The following PPP2R3B variants were observed in gnomAD, a reference collection of about 807,000 sequenced individuals.
PPP2R3B encodes the protein protein phosphatase 2 regulatory subunit B''beta, also known as serine/threonine-protein phosphatase 2A regulatory subunit B'' subunit beta.
Under a neutral mutation model 72.9 loss-of-function variants are expected in PPP2R3B, and 68 were observed. The observed-to-expected ratio is 0.93, with a 90% CI of 0.77 to 1.14. The LOEUF is 1.14. Among genes scored for constraint, PPP2R3B ranks in the 50% most tolerant of loss-of-function variants. PPP2R3B has a pLI of 0.00. For missense variants in PPP2R3B, 1,018 were observed against 842.0 expected (o/e 1.21, Z -2.59); for synonymous variants, 466 against 375.8 (o/e 1.24, Z -2.78).
intron 1 of PPP2R3B, chrX:373,646 G>A (rs1289050963): frequency 3.6e-6 from 1 of 275,724 alleles, no homozygotes; most frequent in South Asian, 3.0e-5. Flanking sequence ...GCGAGCGCTC[G>A]CGGAGTCGCA....
chrX:358,145 C>T (rs1183010883), intron 2 of PPP2R3B, among the ~76,000 whole-genome samples: 1 of 152,224 alleles, frequency 6.6e-6, no homozygotes, highest in Non-Finnish European at 1.5e-5. Flanking sequence ...TCGTTCGTCC[C>T]CTGGGCCGGG....
chrX:358,290 C>T (rs2071475771), intron 2 of PPP2R3B, among the ~76,000 whole-genome samples: 1 of 152,150 alleles, frequency 6.6e-6, no homozygotes, highest in Non-Finnish European at 1.5e-5. Context: ...GCCTGCGGCC[C>T]CCACACACGC....
At chrX:371,652 G>A (rs764632983) in intron 1 of PPP2R3B, among the ~76,000 whole-genome samples, 43 of 152,206 alleles carry the variant, frequency 2.8e-4, no homozygotes, top group African/African-American at 9.2e-4. Flanking sequence ...GGCCGGGAGC[G>A]TCCGAAGGCG....
At chrX:373,693 G>C (rs1218179403) in intron 1 of PPP2R3B, 1 of 163,530 alleles carries the variant, frequency 6.1e-6, no homozygotes, top group Admixed American at 6.7e-5. Context: ...GGGCCGGGCC[G>C]GGCGCCGCGC....
chrX:335,720 C>G (rs1176368628), intron 12 of PPP2R3B: 1 of 152,222 alleles, frequency 6.6e-6, no homozygotes, highest in East Asian at 1.9e-4. Flanking sequence ...TGAACCTCGT[C>G]GGCCCCTCGC....
chrX:349,510 G>T (rs1414410180), intron 2 of PPP2R3B, among the ~76,000 whole-genome samples: 1 of 152,206 alleles, frequency 6.6e-6, no homozygotes, highest in Non-Finnish European at 1.5e-5. Context: ...CGCCTGGACG[G>T]CCGAGCCAGG....
At chrX:342,906 A>C (rs1287429003) in intron 7 of PPP2R3B, among the ~76,000 whole-genome samples, 2 of 45,624 alleles carry the variant, frequency 4.4e-5, no homozygotes, top group African/African-American at 1.6e-4. Context: ...AGACCTCAGC[A>C]ACGGGAGGCG....
chrX:339,041 C>T (rs749459085), intron 10 of PPP2R3B, 145 bp from the exon 11 acceptor site: 11 of 744,626 alleles, frequency 1.5e-5, no homozygotes, highest in South Asian at 4.8e-5. Flanking sequence ...ACGTGAAAGG[C>T]GGACACGCGA....
At chrX:383,608 C>T (rs1272866277) in intron 1 of PPP2R3B, among the ~76,000 whole-genome samples, 3 of 151,956 alleles carry the variant, frequency 2.0e-5, no homozygotes, top group East Asian at 3.9e-4. Context: ...GAGGCCGAGG[C>T]GGGCGGATCA....
chrX:341,483 A>C, intron 8 of PPP2R3B, 87 bp from the exon 9 acceptor site: 2 of 1,398,508 alleles, frequency 1.4e-6, no homozygotes, highest in South Asian at 1.2e-5. Context: ...CGCCTCGGTG[A>C]GGGGAGCCCC....
At position 347,329 on chromosome X, in the gene PPP2R3B, G is replaced by A; in HGVS notation, c.622C>T (p.Gln208Ter). The A allele has an allele frequency of 6.2e-7, 1 of 1,613,762 alleles. No homozygotes were observed. Among genetic ancestry groups the A allele is most frequent in the Non-Finnish European group, 8.5e-7 (1 of 1,179,748 alleles). ...TTGGCCGCGTCGTCGTGGCAGTTCTGGAGGATTCTGGAAGGACAGGATGAC... is the reference window on the plus strand; with the variant it reads ...TTGGCCGCGTCGTCGTGGCAGTTCTAGAGGATTCTGGAAGGACAGGATGAC... ...KFVAMWRKIL[Q>*]NCHDDAAKFV... is the part of the protein sequence containing the mutation. Residue 208 changes from glutamine (Q) to a stop codon, truncating the protein, a stop_gained, in exon 4 of 13, where the codon CAG (glutamine) becomes TAG (stop). Coordinates refer to ENST00000390665, the MANE Select transcript of PPP2R3B (RefSeq NM_013239.5). LOFTEE classifies it high-confidence loss of function.
chrX:347,429 T>C lies in PPP2R3B; in HGVS notation c.615-93A>G, dbSNP rs927064241. The C allele has an allele frequency of 2.2e-6, 3 of 1,376,882 alleles. No individual in the cohort carries two copies. In the African/African-American group the frequency reaches 4.3e-5, roughly 20 times the overall value. The allele number at this position is 1,376,882 out of a possible 1,614,324, so 85.3% of individuals were successfully genotyped here. ...TGGAACACGTGTGTGGTGTTCCACG[T>C]GGTGCGTGGCAGGTGGCCACACACG... On this transcript the variant is annotated intron_variant, in intron 3 of 12. Transcript: ENST00000390665.
chrX:386,833 G>A lies in PPP2R3B; in HGVS notation c.-142C>T. On this transcript the variant is annotated 5_prime_UTR_variant, in exon 1 of 13. Coordinates refer to ENST00000390665, the MANE Select transcript of PPP2R3B (RefSeq NM_013239.5). ...CGCAGGGAACAGGGCCCGCGCCTCG[G>A]GAACTGCGCGGACTCGCGGGGCGCG... 5 of 339,062 alleles carry A rather than the reference G, an allele frequency of 1.5e-5. No homozygotes were observed. The highest frequency in any genetic ancestry group is 2.3e-5 in the Non-Finnish European group (5 of 216,280). The allele number at this position is 339,062 out of a possible 1,614,324, so 21.0% of individuals were successfully genotyped here. A position where few individuals can be genotyped will look rare whatever the true frequency, so the allele number is the denominator to read the frequency against.
In PPP2R3B at chrX:354,172, AGGGGCTCACCCAAACACCG is replaced by A. The variant is rs1282449872; in HGVS notation, c.511-6498_511-6480del. Among the ~76,000 whole-genome samples, 269 of 86,360 alleles carry A rather than the reference AGGGGCTCACCCAAACACCG, an allele frequency of 3.1e-3. 4 individuals carry two copies. In the South Asian group the frequency reaches 0.04, roughly 13 times the overall value. 56.7% of individuals were successfully genotyped at this position (86,360 alleles called of 152,430 possible). A position where few individuals can be genotyped will look rare whatever the true frequency, so the allele number is the denominator to read the frequency against. On this transcript the variant is annotated intron_variant, in intron 2 of 12. Coordinates refer to ENST00000390665, the MANE Select transcript of PPP2R3B (RefSeq NM_013239.5). The stretch of plus-strand genomic sequence containing the variant: ...AACACCGGGGGCTCACCCAGGGACT[AGGGGCTCACCCAAACACCG>A]GGGGCTCACCCAGGGACCGGGGGCT...
chrX:347,894 G>C, intron 2 of PPP2R3B: 1 of 554,774 alleles, frequency 1.8e-6, no homozygotes, highest in South Asian at 2.5e-5. Flanking sequence ...AGCTGAGCGT[G>C]GGAGTGCCGG....
chrX:336,530 G>C (rs1239808839), intron 12 of PPP2R3B: 1 of 152,280 alleles, frequency 6.6e-6, no homozygotes, highest in East Asian at 1.9e-4. Flanking sequence ...TCTCCCTGCG[G>C]GTTCCAGGCC....
chrX:339,271 C>CTGG (rs1556105390), intron 10 of PPP2R3B, among the ~76,000 whole-genome samples: 2 of 43,670 alleles, frequency 4.6e-5, no homozygotes, highest in African/African-American at 1.6e-4. Flanking sequence ...CGCCCCATGG[C>CTGG]CGGGGGGGGC....
chrX:345,021 G>A (rs2071166700), intron 7 of PPP2R3B: 1 of 372,442 alleles, frequency 2.7e-6, no homozygotes, highest in South Asian at 2.0e-5. Flanking sequence ...GACTCTTAGA[G>A]GGGCCGGGAG....
intron 2 of PPP2R3B, among the ~76,000 whole-genome samples, chrX:356,088 C>G (rs2071428255): frequency 6.6e-6 from 1 of 152,096 alleles, no homozygotes; most frequent in Non-Finnish European, 1.5e-5. Context: ...AGGAGTGCAG[C>G]CAGGACGGGA....
Sources: gnomAD v4.1 joint callset for allele counts (sites outside exome capture counted in the v4.1 genomes callset) on GRCh38, gnomAD v4.1.1 for gene constraint, MANE v1.5 for transcripts, NCBI Gene and HGNC (gene_info 2026-07-23, HGNC 2026-07-21) for gene names.